Variants in DTNA observed in about 807,000 individuals in gnomAD.
DTNA encodes dystrobrevin alpha.
Under a neutral mutation model 100.7 loss-of-function variants are expected in DTNA, and 43 were observed. That is an observed-to-expected ratio of 0.43 (90% CI 0.33 to 0.55). The LOEUF (loss-of-function observed/expected upper bound fraction) is 0.55. DTNA is among the 20% of genes least tolerant of loss of function. The pLI, the probability that DTNA is intolerant of heterozygous loss-of-function variation, is 0.04. For synonymous variants in DTNA, 349 were observed against 347.9 expected (o/e 1.00, Z -0.04); for missense variants, 798 against 953.9 (o/e 0.84, Z 2.15).
At chr18:34,624,322 A>G (rs1327421943) in intron 1 of DTNA, among the ~76,000 whole-genome samples, 1 of 152,214 alleles carries the variant, frequency 6.6e-6, no homozygotes, top group Non-Finnish European at 1.5e-5. Context: ...TCTTATGCTG[A>G]GAACTGAGTA....
chr18:34,714,913 T>C (rs1326844982), intron 1 of DTNA, among the ~76,000 whole-genome samples: 1 of 152,094 alleles, frequency 6.6e-6, no homozygotes, highest in Admixed American at 6.5e-5. Context: ...TGTAGGGACA[T>C]GGATGAAACT....
At chr18:34,861,982 C>T (rs2096633746) in intron 16 of DTNA, among the ~76,000 whole-genome samples, 2 of 152,124 alleles carry the variant, frequency 1.3e-5, no homozygotes, top group African/African-American at 4.8e-5. Context: ...CTTTAACCCT[C>T]TTCCCAAAGT....
intron 1 of DTNA, among the ~76,000 whole-genome samples, chr18:34,588,421 C>T (rs778669951): frequency 6.6e-5 from 10 of 152,106 alleles, no homozygotes; most frequent in Non-Finnish European, 1.3e-4. Flanking sequence ...TTCTGTTTCC[C>T]GCCTGCTCTT....
rs141924176 is a variant in DTNA at position 34,579,024 on chromosome 18, C to G, written c.-2+85510C>G. 5.6e-3 allele frequency among the ~76,000 whole-genome samples: 855 copies of G among 152,196 alleles called. 10 individuals are homozygous for G. Among genetic ancestry groups the G allele is most frequent in the African/African-American group, 0.02 (816 of 41,560 alleles). On this transcript the variant is annotated intron_variant, in intron 1 of 19. Coordinates refer to the DTNA transcript ENST00000283365. Reference sequence around the variant, plus strand: ...AAAATTTTATTATTTCTTTTTATCTCTTCCATTGATGTTTTCTACTACACC... The same window carrying G: ...AAAATTTTATTATTTCTTTTTATCTGTTCCATTGATGTTTTCTACTACACC...
chr18:34,543,964 C>A (rs1407117069), intron 1 of DTNA, among the ~76,000 whole-genome samples: 9 of 152,182 alleles, frequency 5.9e-5, no homozygotes, highest in African/African-American at 2.2e-4. Flanking sequence ...TTAGAGCCAG[C>A]TGTTAACTTC....
intron 7 of DTNA, among the ~76,000 whole-genome samples, chr18:34,816,426 G>T (rs1161964627): frequency 6.6e-6 from 1 of 152,160 alleles, no homozygotes; most frequent in Non-Finnish European, 1.5e-5. Context: ...ATAGATGATA[G>T]CACCCTGTTA....
intron 1 of DTNA, among the ~76,000 whole-genome samples, chr18:34,668,652 C>T (rs2076294018): frequency 6.6e-6 from 1 of 152,204 alleles, no homozygotes; most frequent in Admixed American, 6.5e-5. Flanking sequence ...TTTCAAAAAA[C>T]ATCTTTATTT....
At chr18:34,635,640 G>C (rs2058587716) in intron 1 of DTNA, among the ~76,000 whole-genome samples, 1 of 152,052 alleles carries the variant, frequency 6.6e-6, no homozygotes, top group Non-Finnish European at 1.5e-5. Flanking sequence ...GGAGGATATT[G>C]GTTTACAGAT....
chr18:34,857,379 G>A (rs921266582), intron 15 of DTNA, among the ~76,000 whole-genome samples: 17 of 152,092 alleles, frequency 1.1e-4, no homozygotes, highest in Admixed American at 2.0e-4. Context: ...GCTTTGCTCC[G>A]TCTTACTGGC....
chr18:34,809,918 C>T (rs944919450), intron 5 of DTNA, among the ~76,000 whole-genome samples: 15 of 152,158 alleles, frequency 9.9e-5, no homozygotes, highest in African/African-American at 3.6e-4. Flanking sequence ...ATTGACACAG[C>T]TTAGGAGATG....
chr18:34,616,262 A>G (rs1875049064), intron 1 of DTNA, among the ~76,000 whole-genome samples: 1 of 152,192 alleles, frequency 6.6e-6, no homozygotes, highest in Non-Finnish European at 1.5e-5. Flanking sequence ...AAAACCCTTG[A>G]GGAAAACCTA....
chr18:34,568,766 G>A (rs2047311987), intron 1 of DTNA, among the ~76,000 whole-genome samples: 1 of 152,094 alleles, frequency 6.6e-6, no homozygotes, highest in Non-Finnish European at 1.5e-5. Context: ...TGGGAGTACA[G>A]GCACGTACCA....
chr18:34,799,202 G>T (rs1287119873), intron 4 of DTNA, among the ~76,000 whole-genome samples: 1 of 152,110 alleles, frequency 6.6e-6, no homozygotes, highest in Non-Finnish European at 1.5e-5. Flanking sequence ...GTCTTACGTA[G>T]AGAATACAAA....
chr18:34,867,221 A>G, intron 17 of DTNA: 1 of 1,231,428 alleles, frequency 8.1e-7, no homozygotes, highest in Non-Finnish European at 1.0e-6. Context: ...TTTGTGTGTA[A>G]CAAAGAATGT....
At chr18:34,660,068 A>G (rs72953203) in intron 1 of DTNA, among the ~76,000 whole-genome samples, 24,406 of 152,216 alleles carry the variant, frequency 0.16, 2,469 homozygotes, top group Admixed American at 0.23. Flanking sequence ...AGGCAAAGAA[A>G]TGAGTATACA....
chr18:34,709,500 A>G (rs886097191), upstream of DTNA: 2 of 152,090 alleles, frequency 1.3e-5, no homozygotes, highest in African/African-American at 4.8e-5. Flanking sequence ...TCCCTAAAGG[A>G]CTGGTAATGC....
chr18:34,716,932 C>T (rs906709105), intron 1 of DTNA, among the ~76,000 whole-genome samples: 2 of 152,014 alleles, frequency 1.3e-5, no homozygotes. Context: ...ATCTGGAATG[C>T]CTTGACTGTG....
chr18:34,515,165 C>T (rs932186599), intron 1 of DTNA, among the ~76,000 whole-genome samples: 1 of 152,026 alleles, frequency 6.6e-6, no homozygotes, highest in Non-Finnish European at 1.5e-5. Context: ...AGCTCTGACC[C>T]ATTCCAAACA....
At chr18:34,880,071 CT>C (rs1468895080) in intron 20 of DTNA, among the ~76,000 whole-genome samples, 2 of 152,122 alleles carry the variant, frequency 1.3e-5, no homozygotes, top group Non-Finnish European at 2.9e-5. Context: ...ATCTTCTGAA[CT>C]TATTGTATTT....
Sources: allele counts gnomAD v4.1 joint callset (sites outside exome capture counted in the v4.1 genomes callset), GRCh38; gene constraint gnomAD v4.1.1; transcripts MANE v1.5; gene names NCBI Gene and HGNC (gene_info 2026-07-23, HGNC 2026-07-21).